NDUFV2: variants seen among roughly 807,000 people sequenced by gnomAD.
The protein encoded by NDUFV2 is NADH dehydrogenase [ubiquinone] flavoprotein 2, mitochondrial.
NDUFV2 carries 18 observed loss-of-function variants against 31.6 expected under a neutral mutation model. The observed-to-expected ratio is 0.57, with a 90% CI of 0.39 to 0.84. The LOEUF (loss-of-function observed/expected upper bound fraction) is 0.84, where lower values mean the gene tolerates loss of function less well. Ranked by LOEUF, NDUFV2 falls within the 40% of genes least tolerant of loss-of-function variation. NDUFV2 has a pLI of 0.00. For synonymous variants in NDUFV2, 83 were observed against 99.8 expected, an observed-to-expected ratio of 0.83 and a Z score of 1.01; for missense variants, 314 against 303.6, an observed-to-expected ratio of 1.03 and a Z score of -0.26.
At chr18:9,118,976 A>T (rs1318421008) in intron 2 of NDUFV2, among the ~76,000 whole-genome samples, 1 of 152,094 alleles carries the variant, frequency 6.6e-6, no homozygotes, top group South Asian at 2.1e-4. Context: ...TTTTAATTTC[A>T]TAAAGGCTTC....
intron 1 of NDUFV2, among the ~76,000 whole-genome samples, chr18:9,107,899 G>T (rs1274273860): frequency 6.6e-6 from 1 of 152,148 alleles, no homozygotes; most frequent in Non-Finnish European, 1.5e-5. Context: ...GGTCATGATG[G>T]ATGAGTGGAA....
chr18:9,105,034 C>T, intron 1 of NDUFV2: 3 of 1,461,570 alleles, frequency 2.1e-6, no homozygotes, highest in African/African-American at 1.4e-5. Context: ...AACAGCTTTC[C>T]TTATCAGTAG....
intron 7 of NDUFV2, among the ~76,000 whole-genome samples, chr18:9,128,538 A>C (rs2078011930): frequency 6.6e-6 from 1 of 151,946 alleles, no homozygotes; most frequent in African/African-American, 2.4e-5. Flanking sequence ...TTTTTTTAGG[A>C]GGTAAATCAT....
chr18:9,121,485 A>G lies in NDUFV2; in HGVS notation c.301-1028A>G, dbSNP rs1263124780. 3 of 152,212 alleles carry G rather than the reference A, an allele frequency of 2.0e-5. No individual in the cohort carries two copies. In the East Asian group the frequency reaches 5.8e-4, roughly 29 times the overall value. The allele number at this position is 152,212 out of a possible 1,614,324, so 9.4% of individuals were successfully genotyped here. A position where few individuals can be genotyped will look rare whatever the true frequency, so the allele number is the denominator to read the frequency against. Reference sequence around the variant, plus strand: ...CCGAATGAAATAGCACAATTACTTTATCTGTCACAAGTGAGCCATGATTAG... The same window carrying G: ...CCGAATGAAATAGCACAATTACTTTGTCTGTCACAAGTGAGCCATGATTAG... On this transcript the variant is annotated intron_variant, in intron 4 of 7. Coordinates refer to ENST00000318388, the MANE Select transcript of NDUFV2 (RefSeq NM_021074.5).
chr18:9,114,124 C>T (rs1598343772), intron 1 of NDUFV2, among the ~76,000 whole-genome samples: 1 of 151,904 alleles, frequency 6.6e-6, no homozygotes, highest in Admixed American at 6.6e-5. Context: ...AGTGCTGCTG[C>T]TCACCAAATG....
Position 9,102,747 on chromosome 18 carries a change from T to A in NDUFV2, c.4T>A (p.Phe2Ile), listed in dbSNP as rs1598339117. The A allele has an allele frequency of 6.3e-7, 1 of 1,580,774 alleles. No homozygotes were observed. Among genetic ancestry groups the A allele is most frequent in the Non-Finnish European group, 8.6e-7 (1 of 1,163,410 alleles). The change falls in exon 1 of 8, where the codon TTC (phenylalanine) becomes ATC (isoleucine). Residue 2 changes from phenylalanine (F) to isoleucine (I), a missense_variant. Coordinates refer to ENST00000318388, the MANE Select transcript of NDUFV2 (RefSeq NM_021074.5). M[F>I]FSAALRARAA... is the part of the protein sequence containing the mutation. ...AAGGTGAACAGTGTGGCCCGCCATG[T>A]TCTTCTCCGCGGCGCTCCGGGCCCG...
At chr18:9,133,898 T>G (rs372188518) in intron 7 of NDUFV2, among the ~76,000 whole-genome samples, 9 of 152,352 alleles carry the variant, frequency 5.9e-5, no homozygotes, top group Admixed American at 3.3e-4. Context: ...TCTTGTGGCA[T>G]CGTAAGGATT....
intron 1 of NDUFV2, chr18:9,103,826 T>G (rs954317403): frequency 9.2e-6 from 2 of 217,140 alleles, no homozygotes; most frequent in Admixed American, 5.6e-5. Context: ...ACTGCTGAGC[T>G]CTAGTTAACA....
At chr18:9,122,769 C>T in intron 5 of NDUFV2, 88 bp downstream of exon 5, 1 of 1,361,876 alleles carries the variant, frequency 7.3e-7, no homozygotes, top group Non-Finnish European at 1.0e-6. Context: ...TTTCCAACTT[C>T]TGCCATCTTA....
intron 1 of NDUFV2, among the ~76,000 whole-genome samples, chr18:9,109,308 A>G (rs1410318997): frequency 1.3e-5 from 2 of 152,222 alleles, no homozygotes; most frequent in African/African-American, 4.8e-5. Context: ...AAAGGAAAAA[A>G]GAAGGGTTTT....
chr18:9,117,606 G>T (rs536860564), intron 1 of NDUFV2: 24 of 476,054 alleles, frequency 5.0e-5, no homozygotes, highest in African/African-American at 4.7e-4. Flanking sequence ...GGGTTGTCCT[G>T]GTTCTCCTAT....
At chr18:9,110,663 A>G (rs1010535121) in intron 1 of NDUFV2, among the ~76,000 whole-genome samples, 2 of 152,122 alleles carry the variant, frequency 1.3e-5, no homozygotes, top group African/African-American at 4.8e-5. Flanking sequence ...ATGTGCCACC[A>G]TGCCTGGCTA....
chr18:9,124,810 T>TA, intron 5 of NDUFV2, 64 bp from the exon 6 acceptor site: 3 of 1,469,062 alleles, frequency 2.0e-6, no homozygotes, highest in Non-Finnish European at 2.8e-6. Context: ...TCTTTTTTTT[T>TA]TTTTTAAACC....
At chr18:9,106,098 A>G (rs572590802) in intron 1 of NDUFV2, among the ~76,000 whole-genome samples, 52 of 152,230 alleles carry the variant, frequency 3.4e-4, no homozygotes, top group African/African-American at 1.2e-3. Context: ...TCTTTTAGCT[A>G]GGCTCCTTGG....
chr18:9,106,566 A>C (rs550193235), intron 1 of NDUFV2, among the ~76,000 whole-genome samples: 91 of 152,292 alleles, frequency 6.0e-4, no homozygotes, highest in African/African-American at 1.7e-3. Context: ...TTGATTTTGT[A>C]ATGTCCCAGT....
At chr18:9,127,770 C>T (rs2078004533) in intron 7 of NDUFV2, among the ~76,000 whole-genome samples, 1 of 152,186 alleles carries the variant, frequency 6.6e-6, no homozygotes, top group Non-Finnish European at 1.5e-5. Flanking sequence ...CTGTGCCCGG[C>T]CTAATCATGG....
intron 1 of NDUFV2, chr18:9,104,843 T>G: frequency 7.8e-7 from 1 of 1,286,482 alleles, no homozygotes; most frequent in Non-Finnish European, 1.0e-6. Flanking sequence ...AAAACAATAC[T>G]GAGACTAGCA....
chr18:9,103,969 T>C, intron 1 of NDUFV2: 1 of 558,430 alleles, frequency 1.8e-6, no homozygotes, highest in Non-Finnish European at 3.1e-6. Context: ...GGAAAAGATT[T>C]AGACAGTTCC....
At chr18:9,129,208 T>C (rs538714222) in intron 7 of NDUFV2, among the ~76,000 whole-genome samples, 1 of 152,226 alleles carries the variant, frequency 6.6e-6, no homozygotes, top group Admixed American at 6.5e-5. Flanking sequence ...CCCAAAGTGC[T>C]GGGATTACAG....
Sources: allele counts gnomAD v4.1 joint callset (sites outside exome capture counted in the v4.1 genomes callset), GRCh38; gene constraint gnomAD v4.1.1; transcripts MANE v1.5; gene names NCBI Gene and HGNC (gene_info 2026-07-23, HGNC 2026-07-21).